GAD1: variants seen among roughly 807,000 people sequenced by gnomAD.
The protein encoded by GAD1 is glutamate decarboxylase 1.
A neutral mutation model predicts 75.2 loss-of-function variants in GAD1; 35 were observed. The observed-to-expected ratio is 0.47, with a 90% CI of 0.36 to 0.62. The LOEUF is 0.62. Among genes scored for constraint, GAD1 ranks in the 20% least tolerant of loss-of-function variants. GAD1 has a pLI of 0.00. For missense variants in GAD1, 490 were observed against 758.5 expected (o/e 0.65, Z 4.16); for synonymous variants, 257 against 271.9 (o/e 0.95, Z 0.54).
intron 3 of GAD1, among the ~76,000 whole-genome samples, chr2:170,826,172 G>T (rs1421047890): frequency 1.3e-5 from 2 of 152,166 alleles, no homozygotes; most frequent in East Asian, 3.8e-4. Context: ...ATAATGCAGT[G>T]TAAGTGTGCT....
intron 12 of GAD1, among the ~76,000 whole-genome samples, chr2:170,849,646 C>T (rs1702708631): frequency 6.6e-6 from 1 of 152,154 alleles, no homozygotes; most frequent in South Asian, 2.1e-4. Flanking sequence ...CCCAAGAGTT[C>T]GAGACCAGCC....
At chr2:170,826,788 T>A (rs930091533) in intron 3 of GAD1, among the ~76,000 whole-genome samples, 2 of 152,094 alleles carry the variant, frequency 1.3e-5, no homozygotes, top group African/African-American at 4.8e-5. Context: ...CCTCACTACA[T>A]GAGGCCACAT....
intron 1 of GAD1, chr2:170,817,776 G>A (rs1701748558): frequency 6.6e-6 from 1 of 152,444 alleles, no homozygotes; most frequent in African/African-American, 2.4e-5. Context: ...GCTAGGTAGA[G>A]GAGAAACGCT....
intron 12 of GAD1, chr2:170,852,466 A>AT: frequency 1.9e-6 from 1 of 536,320 alleles, no homozygotes; most frequent in Non-Finnish European, 3.4e-6. Flanking sequence ...TCTCAAGACA[A>AT]TAAGACATAT....
intron 4 of GAD1, 142 bp downstream of exon 4, chr2:170,829,775 T>A (rs907226570): frequency 4.3e-6 from 4 of 923,966 alleles, no homozygotes; most frequent in Admixed American, 4.6e-5. Context: ...TTTGTGACTT[T>A]GGGGGAATAT....
chr2:170,831,239 A>T, intron 5 of GAD1, 47 bp downstream of exon 5: 1 of 1,604,672 alleles, frequency 6.2e-7, no homozygotes, highest in Non-Finnish European at 8.5e-7. Flanking sequence ...TTTGCCCTCC[A>T]TCTCACCCTT....
chr2:170,851,089 T>C (rs1702736470), intron 12 of GAD1, among the ~76,000 whole-genome samples: 1 of 152,182 alleles, frequency 6.6e-6, no homozygotes, highest in African/African-American at 2.4e-5. Context: ...CAATTTTAAT[T>C]TTCTGTCTTT....
intron 6 of GAD1, among the ~76,000 whole-genome samples, chr2:170,842,075 C>A (rs2105795031): frequency 6.6e-6 from 1 of 152,306 alleles, no homozygotes; most frequent in South Asian, 2.1e-4. Flanking sequence ...TCATGATAAA[C>A]TCTCTAGACT....
Position 170,858,765 on chromosome 2 carries a change from A to C in GAD1, c.1522-39A>C, listed in dbSNP as rs774054833. 2.5e-6 allele frequency: 4 copies of C among 1,587,770 alleles called. No homozygotes were observed. The African/African-American group carries it at 4.0e-5, about 16-fold the overall frequency. ...TTTGGGAACAGCTTTCTCTCAAGTTATCCTAATTTTCTTTGTTTGTCTTTT... is the reference window on the plus strand; with the variant it reads ...TTTGGGAACAGCTTTCTCTCAAGTTCTCCTAATTTTCTTTGTTTGTCTTTT... On this transcript the variant is annotated intron_variant, in intron 15 of 16. Coordinates refer to ENST00000358196, the MANE Select transcript of GAD1 (RefSeq NM_000817.3).
rs553339379 is a variant in GAD1 at position 170,818,794 on chromosome 2, T to C, written c.82+121T>C. 1.9e-5 allele frequency: 18 copies of C among 953,194 alleles called. No homozygotes were observed. The highest frequency in any genetic ancestry group is 1.8e-4 in the African/African-American group (11 of 61,658). 59.0% of individuals were successfully genotyped at this position (953,194 alleles called of 1,614,324 possible). A position where few individuals can be genotyped will look rare whatever the true frequency, so the allele number is the denominator to read the frequency against. Reference sequence around the variant, plus strand: ...CGCGGAGATAATGGAGGCTGGGAAATAAATGGGGCTCTGACCCCGTCCCTG... The same window carrying C: ...CGCGGAGATAATGGAGGCTGGGAAACAAATGGGGCTCTGACCCCGTCCCTG... On this transcript the variant is annotated intron_variant, in intron 2 of 16. Coordinates refer to ENST00000358196, the MANE Select transcript of GAD1 (RefSeq NM_000817.3). The surrounding 1 kb of genome is among the most constrained non-coding windows in gnomAD (Gnocchi z 5.9).
chr2:170,842,701 G>C (rs1702543586), intron 6 of GAD1: 1 of 1,610,826 alleles, frequency 6.2e-7, no homozygotes, highest in Non-Finnish European at 8.5e-7. Flanking sequence ...AAATTTCCAG[G>C]GGCCTCCCAA....
intron 5 of GAD1, among the ~76,000 whole-genome samples, chr2:170,832,662 GCGCACACACACACA>G (rs1249090151): frequency 4.7e-5 from 6 of 128,458 alleles, no homozygotes; most frequent in Admixed American, 3.7e-4. Context: ...GCGCGCGCGC[GCGCACACACACACA>G]CACACACACA....
chr2:170,815,094 G>T (rs1701671253), upstream of GAD1, among the ~76,000 whole-genome samples: 1 of 152,146 alleles, frequency 6.6e-6, no homozygotes, highest in Non-Finnish European at 1.5e-5. Flanking sequence ...TGGTGCGAGC[G>T]TCTCGTTTAG....
intron 3 of GAD1, among the ~76,000 whole-genome samples, chr2:170,825,859 G>A (rs1006884491): frequency 1.3e-5 from 2 of 152,162 alleles, no homozygotes; most frequent in East Asian, 1.9e-4. Flanking sequence ...CTAGGTCCTC[G>A]AAGCTGGGGT....
At chr2:170,828,249 C>CCCT (rs1491339822) in intron 3 of GAD1, among the ~76,000 whole-genome samples, 6 of 131,898 alleles carry the variant, frequency 4.5e-5, no homozygotes, top group East Asian at 2.7e-4. Context: ...CTCACCCCTC[C>CCCT]TCTCTCTGCT....
At position 170,852,717 on chromosome 2, in the gene GAD1, C is replaced by T. The variant is rs995881898; in HGVS notation, c.1188C>T (p.Ala396=). Residue 396 remains alanine (A), a synonymous_variant, in exon 13 of 17, where the codon GCC becomes GCT. Coordinates refer to ENST00000358196, the MANE Select transcript of GAD1 (RefSeq NM_000817.3). ...AAGTCTCATGTGCTTCTTTCAGGGC[C>T]AACTCAGTCACCTGGAACCCTCACA... The part of the protein sequence containing the change: ...HRHKLNGIER[A]NSVTWNPHKM... 1 of 1,614,134 alleles carries T rather than the reference C, an allele frequency of 6.2e-7. No individual in the cohort carries two copies. The highest frequency in any genetic ancestry group is 8.5e-7 in the Non-Finnish European group (1 of 1,179,988).
At chr2:170,827,777 C>T (rs77492508) in intron 3 of GAD1, among the ~76,000 whole-genome samples, 1,578 of 152,256 alleles carry the variant, frequency 0.01, 17 homozygotes, top group Non-Finnish European at 0.015. Context: ...TTATCAGTCC[C>T]CAATCCTAGA....
chr2:170,835,952 G>A (rs938663175), intron 5 of GAD1, among the ~76,000 whole-genome samples: 3 of 152,080 alleles, frequency 2.0e-5, no homozygotes, highest in Non-Finnish European at 2.9e-5. Context: ...GTATTATTTT[G>A]TGAGGGCTCT....
chr2:170,823,612 C>T (rs1218754792), intron 3 of GAD1, among the ~76,000 whole-genome samples: 1 of 152,154 alleles, frequency 6.6e-6, no homozygotes, highest in Admixed American at 6.5e-5. Flanking sequence ...CCGGCGGCCG[C>T]GGATCTTTGT....
Sources: gnomAD v4.1 joint callset for allele counts (sites outside exome capture counted in the v4.1 genomes callset) on GRCh38, gnomAD v4.1.1 for gene constraint, Gnocchi (gnomAD v3.1) non-coding constraint, MANE v1.5 for transcripts, NCBI Gene and HGNC (gene_info 2026-07-23, HGNC 2026-07-21) for gene names.